Variants in NKTR observed in about 807,000 individuals in gnomAD.
NKTR encodes NK-tumor recognition protein.
In NKTR, 67 loss-of-function variants were observed where a neutral mutation model predicts 156.3. The observed-to-expected ratio is 0.43, with a 90% CI of 0.35 to 0.53. The LOEUF is 0.53. Ranked by LOEUF, NKTR falls within the 20% of genes least tolerant of loss-of-function variation. The probability of loss-of-function intolerance (pLI) is 0.01; values close to 1 mark genes in which losing one functional copy is unlikely to be tolerated. For synonymous variants in NKTR, 640 were observed against 596.6 expected (o/e 1.07, Z -1.06); for missense variants, 1,604 against 1,730.9 (o/e 0.93, Z 1.30).
intron 2 of NKTR, among the ~76,000 whole-genome samples, chr3:42,610,523 AT>A (rs1706681851): frequency 6.6e-6 from 1 of 151,662 alleles, no homozygotes; most frequent in African/African-American, 2.4e-5. Context: ...CTTTTTTAAA[AT>A]TTATTTTGTT....
chr3:42,613,012 G>GTAC (rs775697901), intron 2 of NKTR, among the ~76,000 whole-genome samples: 9 of 151,890 alleles, frequency 5.9e-5, no homozygotes, highest in Non-Finnish European at 7.4e-5. Flanking sequence ...TTTGTTTTGA[G>GTAC]TATTATTATT....
chr3:42,633,334 G>T (rs748506571), intron 9 of NKTR: 28 of 1,254,300 alleles, frequency 2.2e-5, no homozygotes, highest in Non-Finnish European at 2.6e-5. Flanking sequence ...GAGCCACAAT[G>T]CCTGGCCTCC....
intron 14 of NKTR, among the ~76,000 whole-genome samples, chr3:42,643,006 C>G (rs1318964733): frequency 1.3e-5 from 2 of 152,160 alleles, no homozygotes; most frequent in African/African-American, 4.8e-5. Flanking sequence ...TAGCTTCTTT[C>G]CCTCTTTTGC....
At chr3:42,623,088 C>T (rs1021293725) in intron 6 of NKTR, among the ~76,000 whole-genome samples, 1 of 151,852 alleles carries the variant, frequency 6.6e-6, no homozygotes, top group African/African-American at 2.4e-5. Flanking sequence ...ACGAGATTCT[C>T]CCTTCAAAAA....
chr3:42,634,687 G>A lies in NKTR; in HGVS notation c.1004G>A (p.Gly335Glu). The A allele has an allele frequency of 6.3e-7, 1 of 1,592,454 alleles. No homozygotes were observed. Among genetic ancestry groups the A allele is most frequent in the Non-Finnish European group, 8.6e-7 (1 of 1,164,914 alleles). The change falls in exon 11 of 17, where the codon GGA (glycine) becomes GAA (glutamate). Residue 335 changes from glycine (G) to glutamate (E), a missense_variant. Gly to Glu is a moderately conservative substitution (Grantham distance 98, BLOSUM62 -2). Around this residue, in one of 6 missense-constraint regions of NKTR, gnomAD observed 1,255 missense variants for 1,243.7 expected, o/e 1.01. Coordinates refer to ENST00000232978, the MANE Select transcript of NKTR (RefSeq NM_005385.4). ...SVSKSGRKIK[G>E]RGTIRYHTPP... ...TCAAAGTCTGGACGGAAGATTAAAG[G>A]AAGGGGCACAATTGTATGTGTGATA...
intron 2 of NKTR, chr3:42,602,801 G>A (rs1003282730): frequency 6.6e-6 from 1 of 151,920 alleles, no homozygotes; most frequent in Non-Finnish European, 1.5e-5. Flanking sequence ...GTATCATTTT[G>A]AGGTCAGGAG....
Position 42,637,830 on chromosome 3 carries a change from C to T in NKTR, c.2126C>T (p.Ser709Leu), listed in dbSNP as rs1187582686. ...SRSYSRSYTR[S>L]RSLASSHSRS... ...TCTTATTCCAGATCATATACAAGAT[C>T]ACGTAGTCTAGCTAGTTCACATTCA... Residue 709 changes from serine to leucine, a missense_variant, in exon 13 of 17, where the codon TCA becomes TTA. Physicochemically the swap from Ser to Leu is moderately radical, Grantham distance 145 (BLOSUM62 -2). Transcript: ENST00000232978. 6.2e-7 allele frequency: 1 copy of T among 1,613,672 alleles called. No homozygotes were observed. The highest frequency in any genetic ancestry group is 1.3e-5 in the African/African-American group (1 of 74,892).
intron 2 of NKTR, among the ~76,000 whole-genome samples, chr3:42,603,242 C>T (rs1015757082): frequency 6.0e-5 from 9 of 151,154 alleles, no homozygotes; most frequent in African/African-American, 2.2e-4. Context: ...TGGTGGTGCT[C>T]ACCTGTACTT....
In NKTR at chr3:42,646,897, C is replaced by A. The variant is rs1156609917; in HGVS notation, c.*922C>A. ...CTCAAGTACAGATGTGGGTTGGGGT[C>A]CCCTGGAGCAGGCAGGATTGGCAGT... On this transcript the variant is annotated 3_prime_UTR_variant, in exon 17 of 17. Coordinates refer to ENST00000232978, the MANE Select transcript of NKTR (RefSeq NM_005385.4). 1 of 152,312 alleles carries A rather than the reference C, an allele frequency of 6.6e-6. No homozygotes were observed. Among genetic ancestry groups the A allele is most frequent in the African/African-American group, 2.4e-5 (1 of 41,428 alleles). 9.4% of individuals were successfully genotyped at this position (152,312 alleles called of 1,614,324 possible). A position where few individuals can be genotyped will look rare whatever the true frequency, so the allele number is the denominator to read the frequency against.
chr3:42,608,610 G>A (rs879480233), intron 2 of NKTR, among the ~76,000 whole-genome samples: 8 of 152,234 alleles, frequency 5.3e-5, no homozygotes, highest in African/African-American at 1.7e-4. Flanking sequence ...ATTTCATCAC[G>A]TATGATTGCA....
At chr3:42,644,285 A>C (rs541043855) in intron 16 of NKTR, among the ~76,000 whole-genome samples, 1 of 152,200 alleles carries the variant, frequency 6.6e-6, no homozygotes, top group South Asian at 2.1e-4. Context: ...GGAAAGAAAG[A>C]AGGCCACCCA....
Position 42,638,438 on chromosome 3 carries a change from G to C in NKTR, c.2734G>C (p.Gly912Arg). The C allele has an allele frequency of 1.2e-6, 2 of 1,613,246 alleles. No homozygotes were observed. The highest frequency in any genetic ancestry group is 1.7e-6 in the Non-Finnish European group (2 of 1,179,796). ...CCATCCATCCTCTGACAAGGAAGAA[G>C]GTGAGGCCACATCCGATTCTGAATC... is the stretch of plus-strand genomic sequence containing the variant. ...DSHPSSDKEE[G>R]EATSDSESEV... is the part of the protein sequence containing the mutation. The change falls in exon 13 of 17, where the codon GGT becomes CGT. Residue 912 changes from glycine (G) to arginine (R), a missense_variant. Physicochemically the swap from Gly to Arg is moderately radical, Grantham distance 125. Coordinates refer to ENST00000232978, the MANE Select transcript of NKTR (RefSeq NM_005385.4).
At chr3:42,628,403 G>T (rs921328508) in intron 6 of NKTR, 11 of 984,990 alleles carry the variant, frequency 1.1e-5, no homozygotes, top group Non-Finnish European at 1.1e-5. Context: ...CTCAAATTGA[G>T]TCTCAAGTAG....
intron 6 of NKTR, chr3:42,623,804 T>A (rs1577495008): frequency 6.6e-6 from 1 of 152,144 alleles, no homozygotes; most frequent in African/African-American, 2.4e-5. Context: ...TGAGTGGCAG[T>A]TCTGGAATCT....
At chr3:42,623,317 C>A (rs1223523271) in intron 6 of NKTR, among the ~76,000 whole-genome samples, 10 of 151,954 alleles carry the variant, frequency 6.6e-5, no homozygotes, top group African/African-American at 2.2e-4. Flanking sequence ...CACTGAACTT[C>A]TGATTGAAAG....
rs772526124 is a variant in NKTR at position 42,638,382 on chromosome 3, G to A, written c.2678G>A (p.Arg893Gln). 2.4e-5 allele frequency: 38 copies of A among 1,613,844 alleles called. No homozygotes were observed. The highest frequency in any genetic ancestry group is 2.9e-5 in the Non-Finnish European group (34 of 1,180,004). ...TGGGACTCTGAGTCAAATTCAGAAC[G>A]AGATGTCACTAAAAACAGTAAAAAT... ...SKWDSESNSE[R>Q]DVTKNSKNDS... Residue 893 changes from arginine to glutamine, a missense_variant, in exon 13 of 17, where the codon CGA becomes CAA. Arg to Gln is a conservative substitution (Grantham distance 43). Around this residue, in one of 6 missense-constraint regions of NKTR, gnomAD observed 1,255 missense variants for 1,243.7 expected, o/e 1.01. Coordinates refer to ENST00000232978, the MANE Select transcript of NKTR (RefSeq NM_005385.4).
rs1360157101 is a variant in NKTR at position 42,638,820 on chromosome 3, CAAAA to C, written c.3117_3120del (p.Lys1040ArgfsTer11). 1 of 1,603,118 alleles carries C rather than the reference CAAAA, an allele frequency of 6.2e-7. No homozygotes were observed. Among genetic ancestry groups the C allele is most frequent in the South Asian group, 1.1e-5 (1 of 88,408 alleles). ...GATGACAAGCAAGTTACTCAGGAAT[CAAAA>C]GAGAAAAAAGTTTCTGAAAACAATG... On this transcript the variant is annotated frameshift_variant, in exon 13 of 17. Transcript: ENST00000232978. LOFTEE classifies it high-confidence loss of function.
chr3:42,632,859 A>C, intron 9 of NKTR, 36 bp downstream of exon 9: 1 of 1,475,222 alleles, frequency 6.8e-7, no homozygotes, highest in South Asian at 1.5e-5. Flanking sequence ...TTACCTAAAA[A>C]CAAACACTCT....
chr3:42,604,446 A>G (rs911485121), intron 2 of NKTR, among the ~76,000 whole-genome samples: 12 of 151,444 alleles, frequency 7.9e-5, no homozygotes, highest in African/African-American at 2.9e-4. Context: ...AACACACATG[A>G]TTTCCGTTCT....
Sources: gnomAD v4.1 joint callset for allele counts (sites outside exome capture counted in the v4.1 genomes callset) on GRCh38, gnomAD v4.1.1 for gene constraint, gnomAD v4.1.1 regional missense constraint, MANE v1.5 for transcripts, NCBI Gene and HGNC (gene_info 2026-07-23, HGNC 2026-07-21) for gene names.